ATPAF2: variants seen among roughly 807,000 people sequenced by gnomAD.
ATPAF2 encodes the protein ATP12 homolog.
ATPAF2 carries 30 observed loss-of-function variants against 36.6 expected under a neutral mutation model. The ratio of observed to expected loss-of-function variants is 0.82; its 90% CI spans 0.61 to 1.11. The LOEUF is 1.11. Ranked by LOEUF, ATPAF2 falls within the 50% of genes most tolerant of loss-of-function variation. The pLI is 0.00. For missense variants in ATPAF2, 321 were observed against 372.3 expected (o/e 0.86, Z 1.13); for synonymous variants, 140 against 152.6 (o/e 0.92, Z 0.61).
intron 1 of ATPAF2, 125 bp downstream of exon 1, chr17:18,038,756 T>C: frequency 7.2e-7 from 1 of 1,386,010 alleles, no homozygotes; most frequent in South Asian, 1.3e-5. Flanking sequence ...TAAAAAGACC[T>C]GACTGGCCTG....
chr17:18,033,210 A>T (rs1364687090), intron 1 of ATPAF2, among the ~76,000 whole-genome samples: 2 of 151,936 alleles, frequency 1.3e-5, no homozygotes, highest in East Asian at 1.9e-4. Context: ...CTCTACAAAA[A>T]ATTAAAAAAT....
At chr17:18,021,484 G>A (rs1333051804) in intron 6 of ATPAF2, 3 of 629,316 alleles carry the variant, frequency 4.8e-6, no homozygotes, top group Non-Finnish European at 8.6e-6. Context: ...CTAGTGATTG[G>A]TTCATGGATG....
intron 3 of ATPAF2, among the ~76,000 whole-genome samples, chr17:18,027,213 T>C (rs975418930): frequency 6.6e-5 from 10 of 150,658 alleles, no homozygotes; most frequent in African/African-American, 2.2e-4. Context: ...AGAGTTAGAC[T>C]GTTTAAAAAA....
downstream of ATPAF2, chr17:18,015,889 GTCACAGATGAAT>G (rs1054205378): frequency 9.6e-5 from 64 of 668,764 alleles, no homozygotes; most frequent in African/African-American, 1.0e-3. Flanking sequence ...GGAAGCGGCT[GTCACAGATGAAT>G]TCACAGATGA....
chr17:18,038,997 A>C lies in ATPAF2; in HGVS notation c.17T>G (p.Leu6Arg). 6.2e-7 allele frequency: 1 copy of C among 1,608,950 alleles called. No homozygotes were observed. Among genetic ancestry groups the C allele is most frequent in the Non-Finnish European group, 8.5e-7 (1 of 1,177,612 alleles). ...ACGGCGTCCCCCGTCCCGCAGCCGGAGGCAGCTCCTCCACATCGCGCCCGA... is the reference window on the plus strand; with the variant it reads ...ACGGCGTCCCCCGTCCCGCAGCCGGCGGCAGCTCCTCCACATCGCGCCCGA... MWRSCLRLRDGGRRLL... is the reference protein window; with the variant it reads MWRSCRRLRDGGRRLL... Residue 6 changes from leucine to arginine, a missense_variant, in exon 1 of 8, where the codon CTC becomes CGC. Physicochemically the swap from Leu to Arg is moderately radical, Grantham distance 102 (BLOSUM62 -2). Around this residue, in one of 3 missense-constraint regions of ATPAF2, gnomAD observed 69 missense variants for 60.1 expected, o/e 1.15. Coordinates refer to ENST00000474627, the MANE Select transcript of ATPAF2 (RefSeq NM_145691.4).
chr17:18,019,797 T>A (rs2044442976), intron 7 of ATPAF2, among the ~76,000 whole-genome samples: 1 of 152,248 alleles, frequency 6.6e-6, no homozygotes, highest in South Asian at 2.1e-4. Context: ...TTGTAATATG[T>A]CATCTGAAGA....
chr17:18,027,056 A>C (rs898438524), intron 3 of ATPAF2, among the ~76,000 whole-genome samples: 1 of 152,026 alleles, frequency 6.6e-6, no homozygotes, highest in Admixed American at 6.6e-5. Context: ...CCCCATCTCT[A>C]CTAAAAATAC....
downstream of ATPAF2, chr17:18,015,861 C>T: frequency 1.7e-6 from 1 of 575,784 alleles, no homozygotes; most frequent in Non-Finnish European, 3.1e-6. Context: ...CCCCACAACA[C>T]CTGCCCTGTG....
At chr17:18,028,098 AGAG>A (rs2044573808) in intron 3 of ATPAF2, 131 bp downstream of exon 3, 2 of 1,026,598 alleles carry the variant, frequency 1.9e-6, no homozygotes, top group Non-Finnish European at 3.1e-6. Context: ...TAGTGACTTG[AGAG>A]GAGGTGAATC....
Position 18,018,267 on chromosome 17 carries a change from AG to A in ATPAF2, c.*281del. ...TGAAAACAGGGCTCAGCACATTTCC[AG>A]GGTGGAGAAATATTTAATAAAATCA... On this transcript the variant is annotated 3_prime_UTR_variant, in exon 8 of 8. Coordinates refer to ENST00000474627, the MANE Select transcript of ATPAF2 (RefSeq NM_145691.4). The A allele has an allele frequency of 1.5e-5, 7 of 482,236 alleles. No homozygotes were observed. The highest frequency in any genetic ancestry group is 1.4e-4 in the South Asian group (7 of 48,672). 29.9% of individuals were successfully genotyped at this position (482,236 alleles called of 1,614,324 possible).
At chr17:18,035,646 T>C (rs1010383097) in intron 1 of ATPAF2, among the ~76,000 whole-genome samples, 1 of 152,274 alleles carries the variant, frequency 6.6e-6, no homozygotes, top group African/African-American at 2.4e-5. Flanking sequence ...TTGCAAGCCA[T>C]ACAATATCTG....
At chr17:18,031,943 T>G (rs1343523149) in intron 1 of ATPAF2, among the ~76,000 whole-genome samples, 1 of 152,240 alleles carries the variant, frequency 6.6e-6, no homozygotes, top group Non-Finnish European at 1.5e-5. Context: ...TTTCTCTACA[T>G]GCTGTCCTGG....
rs761788938 is a variant in ATPAF2, at chr17:18,021,143, G to A, written c.712C>T (p.Arg238Cys). ...CTCACCTGGTACTCCTCCTCCAGGCGTGACAGCAGCACGGCCTGCTCCACT... is the reference window on the plus strand; with the variant it reads ...CTCACCTGGTACTCCTCCTCCAGGCATGACAGCAGCACGGCCTGCTCCACT... Reference protein sequence around the residue: ...LTVEQAVLLSRLEEEYQIQKW... With the variant: ...LTVEQAVLLSCLEEEYQIQKW... The change falls in exon 7 of 8, where the codon CGC becomes TGC. Residue 238 changes from arginine (R) to cysteine (C), a missense_variant. Around this residue, in one of 3 missense-constraint regions of ATPAF2, gnomAD observed 199 missense variants for 220.6 expected, o/e 0.90. Transcript: ENST00000474627. The A allele has an allele frequency of 6.3e-5, 102 of 1,613,636 alleles. No homozygotes were observed. The highest frequency in any genetic ancestry group is 8.1e-5 in the Non-Finnish European group (96 of 1,179,884).
chr17:18,015,991 T>C, downstream of ATPAF2: 1 of 1,551,822 alleles, frequency 6.4e-7, no homozygotes, highest in African/African-American at 1.4e-5. Flanking sequence ...AAATGCTCCT[T>C]CTCTGTTCAG....
At chr17:18,016,819 A>G (rs2044382405), downstream of ATPAF2, 5 of 508,126 alleles carry the variant, frequency 9.8e-6, no homozygotes, top group South Asian at 8.9e-5. Flanking sequence ...CACCCCTGGA[A>G]AAACTTCCAA....
chr17:18,016,605 C>G (rs745681161), downstream of ATPAF2: 11 of 1,613,726 alleles, frequency 6.8e-6, no homozygotes, highest in Admixed American at 1.7e-5. Flanking sequence ...TGAAGGAGAT[C>G]AATCAGTACA....
At chr17:18,038,367 G>C (rs2044735765) in intron 1 of ATPAF2, among the ~76,000 whole-genome samples, 1 of 152,234 alleles carries the variant, frequency 6.6e-6, no homozygotes, top group Non-Finnish European at 1.5e-5. Flanking sequence ...TAGGAGAGAA[G>C]GCTGCAGATG....
At chr17:18,021,634 G>C (rs2044469995) in intron 6 of ATPAF2, 111 bp downstream of exon 6, 1 of 966,186 alleles carries the variant, frequency 1.0e-6, no homozygotes, top group African/African-American at 1.6e-5. Flanking sequence ...AGCTAGCCCA[G>C]AACACTCTGT....
chr17:18,024,540 G>T, intron 5 of ATPAF2, 84 bp downstream of exon 5: 3 of 1,187,312 alleles, frequency 2.5e-6, no homozygotes, highest in Non-Finnish European at 3.7e-6. Context: ...AAGGGCACTA[G>T]TTTTCCAGCG....
Sources: allele counts gnomAD v4.1 joint callset (sites outside exome capture counted in the v4.1 genomes callset), GRCh38; gene constraint gnomAD v4.1.1; regional missense constraint gnomAD v4.1.1; transcripts MANE v1.5; gene names NCBI Gene and HGNC (gene_info 2026-07-23, HGNC 2026-07-21).